BTBD3: variants seen among roughly 807,000 people sequenced by gnomAD.
The protein encoded by BTBD3 is BTB domain containing 3, also known as BTB/POZ domain-containing protein 3.
In BTBD3, 14 loss-of-function variants were observed where a neutral mutation model predicts 41.6. The ratio of observed to expected loss-of-function variants is 0.34; its 90% confidence interval spans 0.22 to 0.53. The LOEUF is 0.53. Among genes scored for constraint, BTBD3 ranks in the 20% least tolerant of loss-of-function variants. The pLI, the probability that BTBD3 is intolerant of heterozygous loss-of-function variation, is 0.95. For synonymous variants in BTBD3, 249 were observed against 233.7 expected, an observed-to-expected ratio of 1.07 and a Z score of -0.60; for missense variants, 426 against 654.7, an observed-to-expected ratio of 0.65 and a Z score of 3.81.
intron 1 of BTBD3, among the ~76,000 whole-genome samples, chr20:11,891,723 G>C (rs962707143): frequency 2.6e-5 from 4 of 152,176 alleles, no homozygotes; most frequent in Non-Finnish European, 4.4e-5. Flanking sequence ...AGTATTGTTC[G>C]GGCCTGCTGG....
intron 1 of BTBD3, among the ~76,000 whole-genome samples, chr20:11,894,468 C>T (rs1330796874): frequency 6.6e-6 from 1 of 151,966 alleles, no homozygotes; most frequent in Non-Finnish European, 1.5e-5. Flanking sequence ...AAAATATGAT[C>T]TTTTAATTTA....
intron 1 of BTBD3, chr20:11,910,243 A>C (rs1026148270): frequency 1.3e-5 from 2 of 152,232 alleles, no homozygotes; most frequent in East Asian, 3.8e-4. Context: ...AACAAAAAAA[A>C]CTAATACTAG....
intron 1 of BTBD3, among the ~76,000 whole-genome samples, chr20:11,894,354 T>A (rs1390475331): frequency 1.3e-5 from 2 of 152,260 alleles, no homozygotes; most frequent in Admixed American, 6.5e-5. Flanking sequence ...CTCTTGTGGC[T>A]TGTTGCCAAA....
upstream of BTBD3, among the ~76,000 whole-genome samples, chr20:11,917,094 TAAGAC>T (rs2056923099): frequency 6.6e-6 from 1 of 152,228 alleles, no homozygotes; most frequent in Non-Finnish European, 1.5e-5. Context: ...TCTTTAAAAT[TAAGAC>T]AAGACTAAAT....
chr20:11,919,449 TCTC>T, intron 2 of BTBD3: 3 of 1,406,166 alleles, frequency 2.1e-6, no homozygotes, highest in Non-Finnish European at 2.8e-6. Context: ...TGTTTACCCT[TCTC>T]CTAGAAATTA....
intron 1 of BTBD3, among the ~76,000 whole-genome samples, chr20:11,910,910 T>G (rs1382930631): frequency 6.6e-6 from 1 of 152,216 alleles, no homozygotes; most frequent in Non-Finnish European, 1.5e-5. Context: ...CAGTCTCAAT[T>G]GAGAATTGTG....
intron 2 of BTBD3, 129 bp from the exon 3 acceptor site, chr20:11,919,589 T>A: frequency 8.4e-7 from 1 of 1,193,976 alleles, no homozygotes; most frequent in Non-Finnish European, 1.2e-6. Flanking sequence ...TACCTTGGCT[T>A]TTTCAAAGCA....
upstream of BTBD3, among the ~76,000 whole-genome samples, chr20:11,914,055 T>G (rs1457919327): frequency 6.6e-6 from 1 of 152,238 alleles, no homozygotes; most frequent in Non-Finnish European, 1.5e-5. Context: ...ATGGACTTCT[T>G]GGCCTATTTA....
At chr20:11,904,959 T>C (rs1002738328) in intron 1 of BTBD3, among the ~76,000 whole-genome samples, 12 of 152,234 alleles carry the variant, frequency 7.9e-5, no homozygotes, top group East Asian at 7.7e-4. Flanking sequence ...TGCATTCTTA[T>C]TAGAAAAGGT....
intron 1 of BTBD3, among the ~76,000 whole-genome samples, chr20:11,908,321 G>GTCTTTTTTT (rs2056868621): frequency 1.3e-5 from 1 of 77,074 alleles, no homozygotes; most frequent in Non-Finnish European, 2.5e-5. Context: ...CTTCTCTGTG[G>GTCTTTTTTT]TTTTTTTTTT....
At position 11,898,483 on chromosome 20, in the gene BTBD3, G is replaced by A. The variant is rs183150863; in HGVS notation, c.-126+7529G>A. Among the ~76,000 whole-genome samples the A allele has an allele frequency of 1.6e-4, 24 of 152,198 alleles. 1 individual carries two copies. Among genetic ancestry groups the A allele is most frequent in the East Asian group, 1.5e-3 (8 of 5,188 alleles). The stretch of plus-strand genomic sequence containing the variant: ...GCAGTGCTCTGCATTTTATTTTTCC[G>A]TTGCATCTGTTACCTTCTAAGTTAC... On this transcript the variant is annotated intron_variant, in intron 1 of 4. Transcript: ENST00000254977.
intron 1 of BTBD3, among the ~76,000 whole-genome samples, chr20:11,896,390 C>T (rs2056787414): frequency 6.6e-6 from 1 of 152,044 alleles, no homozygotes; most frequent in African/African-American, 2.4e-5. Flanking sequence ...TTGTATGTTC[C>T]CAAGTTATAT....
intron 1 of BTBD3, among the ~76,000 whole-genome samples, chr20:11,895,409 TC>T (rs1184277352): frequency 6.6e-6 from 1 of 152,134 alleles, no homozygotes; most frequent in Non-Finnish European, 1.5e-5. Flanking sequence ...TGCCTCTTCT[TC>T]CCCCCATCCC....
chr20:11,913,496 A>G (rs374836540), upstream of BTBD3: 2 of 152,220 alleles, frequency 1.3e-5, no homozygotes, highest in Admixed American at 6.5e-5. Flanking sequence ...AAAGTAGATT[A>G]GAAATATGAC....
chr20:11,921,092 A>G (rs1182467078), intron 3 of BTBD3, among the ~76,000 whole-genome samples: 1 of 152,234 alleles, frequency 6.6e-6, no homozygotes. Context: ...TCCCCACTGC[A>G]TGAAGTCAGC....
intron 1 of BTBD3, among the ~76,000 whole-genome samples, chr20:11,912,697 A>G (rs2056896632): frequency 6.6e-6 from 1 of 152,200 alleles, no homozygotes; most frequent in Non-Finnish European, 1.5e-5. Context: ...GACTGTTTTT[A>G]ACTAAAGTGC....
intron 1 of BTBD3, among the ~76,000 whole-genome samples, chr20:11,903,850 T>C (rs2056838114): frequency 6.6e-6 from 1 of 152,110 alleles, no homozygotes; most frequent in African/African-American, 2.4e-5. Context: ...TCAGGTGATC[T>C]GCCTGCCTTG....
At chr20:11,917,789 T>C, upstream of BTBD3, 3 of 296,742 alleles carry the variant, frequency 1.0e-5, no homozygotes, top group Non-Finnish European at 1.5e-5. Context: ...TGTCACTGTT[T>C]TGCTTGGTCC....
At chr20:11,918,978 T>C in intron 1 of BTBD3, 108 bp from the exon 2 acceptor site, 1 of 773,140 alleles carries the variant, frequency 1.3e-6, no homozygotes, top group Admixed American at 2.5e-5. Context: ...GCCTTGAAGT[T>C]ACTGGACTGT....
Sources: allele counts gnomAD v4.1 joint callset (sites outside exome capture counted in the v4.1 genomes callset), GRCh38; gene constraint gnomAD v4.1.1; transcripts MANE v1.5; gene names NCBI Gene and HGNC (gene_info 2026-07-23, HGNC 2026-07-21).